DENND2B: variants seen among roughly 807,000 people sequenced by gnomAD.
DENND2B encodes the protein DENN domain-containing protein 2B.
In DENND2B, 32 loss-of-function variants were observed where a neutral mutation model predicts 116.0. That is an observed-to-expected ratio of 0.28 (90% CI 0.21 to 0.37). The LOEUF is 0.37. DENND2B is among the 10% of genes least tolerant of loss of function. The pLI, the probability that DENND2B is intolerant of heterozygous loss-of-function variation, is 1.00. For synonymous variants in DENND2B, 588 were observed against 583.9 expected (o/e 1.01, Z -0.10); for missense variants, 1,276 against 1,477.7 (o/e 0.86, Z 2.24).
chr11:8,695,491 A>G lies in DENND2B; in HGVS notation c.3351T>C (p.Ser1117=), dbSNP rs757699130. 1 of 1,613,900 alleles carries G rather than the reference A, an allele frequency of 6.2e-7. No individual in the cohort carries two copies. Among genetic ancestry groups the G allele is most frequent in the Non-Finnish European group, 8.5e-7 (1 of 1,180,018 alleles). Residue 1117 remains serine, a synonymous_variant, in exon 19 of 20, where the codon AGT becomes AGC. Coordinates refer to ENST00000313726, the MANE Select transcript of DENND2B (RefSeq NM_213618.2). Reference sequence around the variant, plus strand: ...AACCTCGGAGAAACTTATTCATTCCACTCTGCTCAGTGTCTGGGAGTTCTT... The same window carrying G: ...AACCTCGGAGAAACTTATTCATTCCGCTCTGCTCAGTGTCTGGGAGTTCTT... ...YLEELPDTEQ[S]GMNKFLRGLG...
intron 2 of DENND2B, among the ~76,000 whole-genome samples, chr11:8,860,884 ATACT>A (rs1342417992): frequency 6.6e-6 from 1 of 152,160 alleles, no homozygotes. Flanking sequence ...AATAAGCCAA[ATACT>A]TACAACCAAC....
intron 18 of DENND2B, chr11:8,695,893 A>G (rs1196818666): frequency 2.2e-5 from 8 of 355,566 alleles, no homozygotes; most frequent in African/African-American, 1.6e-4. Context: ...GTTATACTAA[A>G]TGGATAGTAT....
chr11:8,822,218 T>C (rs1042849265), intron 4 of DENND2B, among the ~76,000 whole-genome samples: 77 of 152,222 alleles, frequency 5.1e-4, no homozygotes, highest in African/African-American at 1.8e-3. Context: ...TACTGAGTTA[T>C]GATTGACAAA....
At position 8,702,647 on chromosome 11, in the gene DENND2B, C is replaced by G; in HGVS notation, c.2645G>C (p.Ser882Thr). 1 of 1,614,014 alleles carries G rather than the reference C, an allele frequency of 6.2e-7. No individual in the cohort carries two copies. Among genetic ancestry groups the G allele is most frequent in the Non-Finnish European group, 8.5e-7 (1 of 1,180,038 alleles). ...VDFECLFTCL[S>T]VRQLIRIFAS... is the part of the protein sequence containing the mutation. ...AAAGATTCGGATGAGCTGGCGCACA[C>G]TGAGGCAGGTAAAAAGGCACTCAAA... The change falls in exon 14 of 20, where the codon AGT becomes ACT. Residue 882 changes from serine to threonine, a missense_variant. Ser to Thr is a moderately conservative substitution (Grantham distance 58, BLOSUM62 1). Coordinates refer to ENST00000313726, the MANE Select transcript of DENND2B (RefSeq NM_213618.2). This position sits in a 1 kb window ranked among gnomAD's most constrained non-coding sequence, Gnocchi z 4.6.
At chr11:8,901,211 T>TTTCTTTTCTC in intron 1 of DENND2B, among the ~76,000 whole-genome samples, 1 of 10,160 alleles carries the variant, frequency 9.8e-5, no homozygotes, top group Non-Finnish European at 5.0e-4. Context: ...TTTCTTTTTC[T>TTTCTTTTCTC]TTCTTTTCTT....
chr11:8,822,338 T>C (rs1340426178), intron 4 of DENND2B, among the ~76,000 whole-genome samples: 2 of 152,222 alleles, frequency 1.3e-5, no homozygotes, highest in Non-Finnish European at 2.9e-5. Context: ...GTTACCATTT[T>C]GTGTATGTGG....
At chr11:8,804,197 C>T (rs2060614976) in intron 1 of DENND2B, among the ~76,000 whole-genome samples, 1 of 152,220 alleles carries the variant, frequency 6.6e-6, no homozygotes, top group Non-Finnish European at 1.5e-5. Context: ...CTACTCCTTC[C>T]TCTTAAAGGA....
intron 1 of DENND2B, among the ~76,000 whole-genome samples, chr11:8,769,325 C>T (rs2056456957): frequency 1.3e-5 from 2 of 151,532 alleles, no homozygotes; most frequent in East Asian, 1.9e-4. Flanking sequence ...GCAACCTCTG[C>T]TTCCCAGGTT....
chr11:8,763,168 C>G (rs751745182), intron 1 of DENND2B, among the ~76,000 whole-genome samples: 7 of 152,044 alleles, frequency 4.6e-5, no homozygotes, highest in Non-Finnish European at 8.8e-5. Context: ...CAACAAAATG[C>G]AAATTATAAC....
intron 1 of DENND2B, among the ~76,000 whole-genome samples, chr11:8,801,052 C>T (rs1401250176): frequency 6.6e-6 from 1 of 151,034 alleles, no homozygotes; most frequent in Non-Finnish European, 1.5e-5. Context: ...CTATCTAGAG[C>T]CGTCTATCTC....
intron 1 of DENND2B, among the ~76,000 whole-genome samples, chr11:8,769,512 G>A (rs1005508174): frequency 2.6e-5 from 4 of 151,922 alleles, no homozygotes; most frequent in African/African-American, 7.3e-5. Flanking sequence ...CACCCGCCTC[G>A]GCCTCCCAAA....
chr11:8,860,576 C>T (rs2063357780), intron 2 of DENND2B, among the ~76,000 whole-genome samples: 1 of 152,182 alleles, frequency 6.6e-6, no homozygotes, highest in Non-Finnish European at 1.5e-5. Context: ...ACCCCATGCT[C>T]ATGAAATCAA....
chr11:8,741,918 GTCT>G (rs148539201), intron 2 of DENND2B, among the ~76,000 whole-genome samples: 34,482 of 151,960 alleles, frequency 0.23, 4,122 homozygotes, highest in South Asian at 0.32. Context: ...GAGAGACAGT[GTCT>G]CACTCTGTTG....
chr11:8,868,782 C>T (rs2063672226), intron 2 of DENND2B, among the ~76,000 whole-genome samples: 1 of 152,184 alleles, frequency 6.6e-6, no homozygotes, highest in Non-Finnish European at 1.5e-5. Flanking sequence ...CAACTCTCCA[C>T]CAGTTTCAGA....
At chr11:8,786,046 C>T (rs1239118613) in intron 1 of DENND2B, among the ~76,000 whole-genome samples, 3 of 152,132 alleles carry the variant, frequency 2.0e-5, no homozygotes, top group Non-Finnish European at 1.5e-5. Flanking sequence ...CACAAAATTC[C>T]ATCTGAAAGA....
At chr11:8,715,171 G>C (rs1444841503) in intron 6 of DENND2B, among the ~76,000 whole-genome samples, 1 of 152,206 alleles carries the variant, frequency 6.6e-6, no homozygotes, top group Admixed American at 6.5e-5. Flanking sequence ...ATACCATCTG[G>C]CTAAATCCTG....
chr11:8,798,337 C>T (rs2060012806), intron 1 of DENND2B, among the ~76,000 whole-genome samples: 1 of 152,200 alleles, frequency 6.6e-6, no homozygotes, highest in African/African-American at 2.4e-5. Flanking sequence ...GATTCCCCCT[C>T]ACTCCTTCGC....
At chr11:8,875,641 C>T (rs1338115173), upstream of DENND2B, among the ~76,000 whole-genome samples, 6 of 151,888 alleles carry the variant, frequency 4.0e-5, no homozygotes, top group East Asian at 1.2e-3. Flanking sequence ...GTTGCCCAGG[C>T]TGGTCTCAAA....
chr11:8,900,235 C>T (rs1463927065), intron 1 of DENND2B, among the ~76,000 whole-genome samples: 1 of 150,784 alleles, frequency 6.6e-6, no homozygotes, highest in African/African-American at 2.4e-5. Context: ...ACTGTCCTGG[C>T]TAACACGGTG....
Sources: gnomAD v4.1 joint callset for allele counts (sites outside exome capture counted in the v4.1 genomes callset) on GRCh38, gnomAD v4.1.1 for gene constraint, Gnocchi (gnomAD v3.1) non-coding constraint, MANE v1.5 for transcripts, NCBI Gene and HGNC (gene_info 2026-07-23, HGNC 2026-07-21) for gene names.